Variants in AK7 observed in about 807,000 individuals in gnomAD.
The protein encoded by AK7 is ATP-AMP transphosphorylase 7.
Under a neutral mutation model 96.6 loss-of-function variants are expected in AK7, and 78 were observed. The ratio of observed to expected loss-of-function variants is 0.81; its 90% confidence interval spans 0.67 to 0.97. The LOEUF is 0.97. Ranked by LOEUF, AK7 falls within the 50% of genes least tolerant of loss-of-function variation. AK7 has a pLI of 0.00. For synonymous variants in AK7, 302 were observed against 317.2 expected, an observed-to-expected ratio of 0.95 and a Z score of 0.51; for missense variants, 855 against 887.9, an observed-to-expected ratio of 0.96 and a Z score of 0.47.
intron 6 of AK7, among the ~76,000 whole-genome samples, chr14:96,438,433 T>A (rs896076611): frequency 7.2e-5 from 11 of 152,128 alleles, no homozygotes. Context: ...ATGTGACATT[T>A]GAGTAGGAAG....
chr14:96,451,829 C>A (rs1234685998), intron 10 of AK7, among the ~76,000 whole-genome samples: 1 of 151,944 alleles, frequency 6.6e-6, no homozygotes, highest in Non-Finnish European at 1.5e-5. Context: ...TAGATAATAT[C>A]TAATAATGTA....
chr14:96,479,768 T>C (rs371025738), intron 15 of AK7, among the ~76,000 whole-genome samples: 3 of 152,204 alleles, frequency 2.0e-5, no homozygotes, highest in South Asian at 4.1e-4. Flanking sequence ...CCTTCGCACG[T>C]ATTCCTCCTA....
At position 96,458,087 on chromosome 14, in the gene AK7, C is replaced by T. The variant is rs1272341209; in HGVS notation, c.1232C>T (p.Ala411Val). The T allele has an allele frequency of 8.1e-6, 13 of 1,611,996 alleles. No individual in the cohort carries two copies. The highest frequency in any genetic ancestry group is 6.7e-5 in the African/African-American group (5 of 74,692). The stretch of plus-strand genomic sequence containing the variant: ...GAATATCCCTGTGGTATGCAGGAGG[C>T]GATTGTTGCCCCTAACGATGTAGGG... ...VISEAIAKLE[A>V]IVAPNDVGEG... Residue 411 changes from alanine to valine, a missense_variant, in exon 12 of 18, where the codon GCG (alanine) becomes GTG (valine). Physicochemically the swap from Ala to Val is moderately conservative, Grantham distance 64. Coordinates refer to ENST00000267584, the MANE Select transcript of AK7 (RefSeq NM_152327.5).
At chr14:96,412,778 G>C (rs1464773571) in intron 4 of AK7, among the ~76,000 whole-genome samples, 2 of 151,872 alleles carry the variant, frequency 1.3e-5, no homozygotes, top group African/African-American at 4.8e-5. Context: ...TGTTGGCCAG[G>C]CTGGTCTCAA....
In AK7 at chr14:96,427,361, G is replaced by A. The variant is rs535860878; in HGVS notation, c.609+6429G>A. Among the ~76,000 whole-genome samples the A allele has an allele frequency of 4.6e-4, 70 of 152,280 alleles. No homozygotes were observed. In the South Asian group the frequency reaches 5.4e-3, roughly 12 times the overall value. Reference sequence around the variant, plus strand: ...TTACAACCATGGCAGAAGATAAAGGGGAAGCAGACACATATTACATGGCCT... The same window carrying A: ...TTACAACCATGGCAGAAGATAAAGGAGAAGCAGACACATATTACATGGCCT... On this transcript the variant is annotated intron_variant, in intron 5 of 17. Transcript: ENST00000267584.
At chr14:96,478,415 A>T (rs1895305031) in intron 14 of AK7, 50 bp from the exon 15 acceptor site, 2 of 1,589,624 alleles carry the variant, frequency 1.3e-6, no homozygotes, top group African/African-American at 2.7e-5. Context: ...GCACCCTGCT[A>T]GTTAGCTGCG....
intron 3 of AK7, 46 bp from the exon 4 acceptor site, chr14:96,408,801 A>T: frequency 6.3e-7 from 1 of 1,588,554 alleles, no homozygotes; most frequent in African/African-American, 1.3e-5. Flanking sequence ...TTAGAAACCA[A>T]GTTGTGCATG....
chr14:96,486,503 C>T (rs920549735), intron 16 of AK7, among the ~76,000 whole-genome samples: 1 of 152,136 alleles, frequency 6.6e-6, no homozygotes, highest in Non-Finnish European at 1.5e-5. Flanking sequence ...TCAAACCAAA[C>T]CACTAGGCTG....
At chr14:96,393,127 T>G (rs1011262726) in intron 1 of AK7, among the ~76,000 whole-genome samples, 2 of 152,164 alleles carry the variant, frequency 1.3e-5, no homozygotes, top group African/African-American at 4.8e-5. Context: ...AAAATGAAGA[T>G]ATTCAGAAAA....
intron 2 of AK7, among the ~76,000 whole-genome samples, chr14:96,402,149 T>C (rs1276471867): frequency 6.6e-6 from 1 of 151,582 alleles, no homozygotes; most frequent in Non-Finnish European, 1.5e-5. Flanking sequence ...TTATTTGGTA[T>C]AATATAAATC....
At chr14:96,482,307 G>A (rs1167832874) in intron 15 of AK7, among the ~76,000 whole-genome samples, 1 of 152,144 alleles carries the variant, frequency 6.6e-6, no homozygotes, top group Non-Finnish European at 1.5e-5. Flanking sequence ...TGGGCGTGGG[G>A]TAAGCAGCTA....
rs1891904158 is a variant in AK7 at position 96,424,419 on chromosome 14, G to A, written c.609+3487G>A. On this transcript the variant is annotated intron_variant, in intron 5 of 17. Coordinates refer to ENST00000267584, the MANE Select transcript of AK7 (RefSeq NM_152327.5). ...CAGTGTTTTACTCATGGTATCTCAT[G>A]TCATCTTCAAGAGTCTCATAAACAA... is the stretch of plus-strand genomic sequence containing the variant. Among the ~76,000 whole-genome samples, 3 of 152,336 alleles carry A rather than the reference G, an allele frequency of 2.0e-5. No homozygotes were observed. The South Asian group carries it at 6.2e-4, about 32-fold the overall frequency.
chr14:96,444,772 C>T (rs951025127), intron 7 of AK7, among the ~76,000 whole-genome samples: 5 of 151,366 alleles, frequency 3.3e-5, no homozygotes, highest in South Asian at 2.1e-4. Context: ...GGCTGGAGTG[C>T]GGTGCCACAA....
At chr14:96,413,928 C>T (rs1311732332) in intron 4 of AK7, among the ~76,000 whole-genome samples, 1 of 152,186 alleles carries the variant, frequency 6.6e-6, no homozygotes, top group African/African-American at 2.4e-5. Context: ...ATTCTATTCC[C>T]ATTCCAGGGG....
chr14:96,475,153 C>A (rs537264422), intron 14 of AK7, among the ~76,000 whole-genome samples: 4 of 152,292 alleles, frequency 2.6e-5, no homozygotes, highest in African/African-American at 7.2e-5. Context: ...CTATTTGGAA[C>A]GTTAATCTGT....
chr14:96,465,320 G>C (rs551125626), intron 12 of AK7, among the ~76,000 whole-genome samples: 1 of 152,024 alleles, frequency 6.6e-6, no homozygotes, highest in Non-Finnish European at 1.5e-5. Context: ...AATATTAGCC[G>C]GGCGTGGTGG....
Position 96,471,602 on chromosome 14 carries a change from C to G in AK7, c.1482C>G (p.Phe494Leu). 1.9e-6 allele frequency: 3 copies of G among 1,550,358 alleles called. No individual in the cohort carries two copies. Among genetic ancestry groups the G allele is most frequent in the Middle Eastern group, 1.7e-4 (1 of 5,788 alleles). The change falls in exon 13 of 18, where the codon TTC (phenylalanine) becomes TTG (leucine). Residue 494 changes from phenylalanine (F) to leucine (L), a missense_variant. Transcript: ENST00000267584. ...PKTYDQAKDL[F>L]NQEDEEEEDD... ...CCTATGATCAAGCAAAAGACCTGTT[C>G]AATCGTAAGTTTGAGTGTTCTATTT...
intron 7 of AK7, 103 bp downstream of exon 7, chr14:96,442,921 G>A: frequency 9.9e-7 from 1 of 1,010,426 alleles, no homozygotes; most frequent in Non-Finnish European, 1.5e-6. Context: ...ACCCTTACAT[G>A]GATTATTGTG....
intron 9 of AK7, among the ~76,000 whole-genome samples, chr14:96,450,931 C>T (rs1033472632): frequency 5.3e-5 from 8 of 151,924 alleles, no homozygotes; most frequent in Middle Eastern, 3.2e-3. Flanking sequence ...CCTGCCACCA[C>T]GCCCAGCTAA....
Sources: allele counts gnomAD v4.1 joint callset (sites outside exome capture counted in the v4.1 genomes callset), GRCh38; gene constraint gnomAD v4.1.1; transcripts MANE v1.5; gene names NCBI Gene and HGNC (gene_info 2026-07-23, HGNC 2026-07-21).